The following FHIT variants were observed in gnomAD, a reference collection of about 807,000 sequenced individuals.
FHIT encodes bis(5'-adenosyl)-triphosphatase.
Under a neutral mutation model 17.9 loss-of-function variants are expected in FHIT, and 19 were observed. That is an observed-to-expected ratio of 1.06 (90% CI 0.74 to 1.56). FHIT has a LOEUF of 1.56. FHIT is among the 40% of genes most tolerant of loss of function. The probability of loss-of-function intolerance (pLI) is 0.00; values close to 1 mark genes in which losing one functional copy is unlikely to be tolerated. For synonymous variants in FHIT, 81 were observed against 69.7 expected, an observed-to-expected ratio of 1.16 and a Z score of -0.81; for missense variants, 248 against 189.2, an observed-to-expected ratio of 1.31 and a Z score of -1.82.
intron 5 of FHIT, among the ~76,000 whole-genome samples, chr3:60,255,146 G>A (rs1388384072): frequency 6.6e-6 from 1 of 152,124 alleles, no homozygotes; most frequent in Non-Finnish European, 1.5e-5. Context: ...AGTGTCATGA[G>A]AATTCTCCTC....
At chr3:60,668,446 A>T (rs917681774) in intron 4 of FHIT, among the ~76,000 whole-genome samples, 1 of 147,470 alleles carries the variant, frequency 6.8e-6, no homozygotes, top group Admixed American at 6.8e-5. Context: ...CTTAGGAAAC[A>T]CTCAGTTAGG....
At chr3:60,495,196 T>C (rs917243638) in intron 5 of FHIT, among the ~76,000 whole-genome samples, 12 of 151,792 alleles carry the variant, frequency 7.9e-5, no homozygotes, top group African/African-American at 2.7e-4. Context: ...CTCGTTGTAG[T>C]TCTGATTTGC....
chr3:60,571,354 A>AAAAG (rs2037376026), intron 4 of FHIT, among the ~76,000 whole-genome samples: 1 of 149,846 alleles, frequency 6.7e-6, no homozygotes. Context: ...AAAAAAAAAA[A>AAAAG]AAAAAAAAAG....
intron 4 of FHIT, among the ~76,000 whole-genome samples, chr3:60,803,406 G>A (rs1238864915): frequency 6.6e-6 from 1 of 152,160 alleles, no homozygotes; most frequent in African/African-American, 2.4e-5. Context: ...GAGCATTTTG[G>A]GATGGGGGAC....
intron 4 of FHIT, among the ~76,000 whole-genome samples, chr3:60,760,028 CTCTT>C (rs1471874965): frequency 6.6e-6 from 1 of 150,880 alleles, no homozygotes; most frequent in Admixed American, 6.6e-5. Context: ...CTCTCTTACT[CTCTT>C]TATTTCTTTT....
intron 4 of FHIT, among the ~76,000 whole-genome samples, chr3:60,650,155 A>T (rs572058346): frequency 5.9e-5 from 9 of 152,292 alleles, no homozygotes; most frequent in African/African-American, 2.2e-4. Flanking sequence ...CTGTTGTCTC[A>T]TTGTTCAAGT....
chr3:60,269,065 G>C (rs143281022), intron 5 of FHIT, among the ~76,000 whole-genome samples: 168 of 152,306 alleles, frequency 1.1e-3, no homozygotes, highest in Middle Eastern at 6.8e-3. Context: ...TTTTAGCCCA[G>C]TGAGAGCCAT....
intron 5 of FHIT, among the ~76,000 whole-genome samples, chr3:60,076,669 T>C (rs1416606839): frequency 6.6e-6 from 1 of 152,056 alleles, no homozygotes; most frequent in Non-Finnish European, 1.5e-5. Context: ...AGAGTGATAA[T>C]AATGGTACTC....
intron 8 of FHIT, among the ~76,000 whole-genome samples, chr3:59,822,544 T>C (rs1700832670): frequency 6.6e-6 from 1 of 152,134 alleles, no homozygotes; most frequent in Non-Finnish European, 1.5e-5. Context: ...ATTTCCCTGA[T>C]CATTAGTGAT....
intron 5 of FHIT, among the ~76,000 whole-genome samples, chr3:60,433,836 T>C (rs1240987241): frequency 6.6e-6 from 1 of 152,154 alleles, no homozygotes; most frequent in Non-Finnish European, 1.5e-5. Context: ...GCATCAGATG[T>C]ATGGTTCATT....
intron 5 of FHIT, among the ~76,000 whole-genome samples, chr3:60,501,343 T>G (rs1269369996): frequency 2.6e-5 from 4 of 152,216 alleles, no homozygotes; most frequent in South Asian, 4.1e-4. Flanking sequence ...AAACAGTAAT[T>G]TGAGTCACAG....
At chr3:60,730,167 G>A in intron 4 of FHIT, 1 of 422,546 alleles carries the variant, frequency 2.4e-6, no homozygotes, top group South Asian at 2.0e-5. Context: ...TGTTTGTGTT[G>A]TCACTAATGG....
At chr3:60,305,420 A>G (rs911512530) in intron 5 of FHIT, among the ~76,000 whole-genome samples, 1 of 151,994 alleles carries the variant, frequency 6.6e-6, no homozygotes, top group Admixed American at 6.6e-5. Context: ...ATTCTCAATA[A>G]CAGCATTTTA....
chr3:60,852,090 G>C (rs182688223), intron 3 of FHIT, among the ~76,000 whole-genome samples: 1 of 152,158 alleles, frequency 6.6e-6, no homozygotes, highest in Admixed American at 6.5e-5. Context: ...CCTCCCTAAT[G>C]TGTGTGGACT....
intron 5 of FHIT, among the ~76,000 whole-genome samples, chr3:60,138,378 G>A (rs1381733460): frequency 6.6e-6 from 1 of 152,160 alleles, no homozygotes; most frequent in Non-Finnish European, 1.5e-5. Context: ...AACAACAAAA[G>A]TAAATACACA....
chr3:60,569,755 A>ATATATATATATATATATTTTTTTTT, intron 4 of FHIT, among the ~76,000 whole-genome samples: 1 of 77,340 alleles, frequency 1.3e-5, no homozygotes, highest in Non-Finnish European at 2.3e-5. Flanking sequence ...ATATATATAT[A>ATATATATATATATATATTTTTTTTT]TTTTTTTTTT....
intron 5 of FHIT, among the ~76,000 whole-genome samples, chr3:60,308,019 A>G (rs547056889): frequency 1.7e-4 from 26 of 152,158 alleles, no homozygotes; most frequent in African/African-American, 6.0e-4. Flanking sequence ...ATTTGGAGGT[A>G]AGTACTATCA....
In FHIT at chr3:59,996,697, T is replaced by G. The variant is rs548629675; in HGVS notation, c.279+14674A>C. Among the ~76,000 whole-genome samples, 6 of 152,188 alleles carry G rather than the reference T, an allele frequency of 3.9e-5. No individual in the cohort carries two copies. The East Asian group carries it at 5.8e-4, about 15-fold the overall frequency. On this transcript the variant is annotated intron_variant, in intron 7 of 9. Coordinates refer to ENST00000492590, the MANE Select transcript of FHIT (RefSeq NM_002012.4). The stretch of plus-strand genomic sequence containing the variant: ...ATTAGCATGAAAGCCTGGTGGGTAT[T>G]AGACATGAGAATAGTCAAACACCTT...
At position 60,953,328 on chromosome 3, in the gene FHIT, G is replaced by C. The variant is rs74880627; in HGVS notation, c.-111+88719C>G. 9.9e-5 allele frequency among the ~76,000 whole-genome samples: 15 copies of C among 152,164 alleles called. No individual in the cohort carries two copies. In the East Asian group the frequency reaches 2.9e-3, roughly 29 times the overall value. On this transcript the variant is annotated intron_variant, in intron 3 of 9. Transcript: ENST00000492590. ...GCAAGGACGATTTCCTTTCATCTTT[G>C]CTAAGAATGTCCAAGCCTTCCTCCT...
Sources: allele counts gnomAD v4.1 joint callset (sites outside exome capture counted in the v4.1 genomes callset), GRCh38; gene constraint gnomAD v4.1.1; transcripts MANE v1.5; gene names NCBI Gene and HGNC (gene_info 2026-07-23, HGNC 2026-07-21).